The following UNC5D variants were observed in gnomAD, a reference collection of about 807,000 sequenced individuals.
UNC5D encodes the protein unc-5 netrin receptor D, also known as netrin receptor UNC5D.
A neutral mutation model predicts 105.4 loss-of-function variants in UNC5D; 39 were observed. The observed-to-expected ratio is 0.37, with a 90% confidence interval of 0.29 to 0.48. The LOEUF (loss-of-function observed/expected upper bound fraction) is 0.48, where lower values mean the gene tolerates loss of function less well. Among genes scored for constraint, UNC5D ranks in the 20% least tolerant of loss-of-function variants. The pLI is 0.98. For missense variants in UNC5D, 991 were observed against 1,202.4 expected (o/e 0.82, Z 2.60); for synonymous variants, 452 against 450.4 (o/e 1.00, Z -0.04).
chr8:35,788,887 C>G (rs889514347), intron 16 of UNC5D, among the ~76,000 whole-genome samples: 1 of 151,628 alleles, frequency 6.6e-6, no homozygotes, highest in Non-Finnish European at 1.5e-5. Context: ...AAAAACTGAA[C>G]CATTTTTTCC....
intron 1 of UNC5D, chr8:35,254,528 T>A (rs1013698210): frequency 6.6e-6 from 1 of 152,164 alleles, no homozygotes; most frequent in African/African-American, 2.4e-5. Context: ...CCAAGACCAT[T>A]ACACTTACTG....
chr8:35,455,966 C>T (rs1271289712), intron 1 of UNC5D, among the ~76,000 whole-genome samples: 10 of 152,088 alleles, frequency 6.6e-5, no homozygotes, highest in Admixed American at 5.2e-4. Flanking sequence ...CACAGCCAAA[C>T]CATATCCCTT....
intron 16 of UNC5D, among the ~76,000 whole-genome samples, chr8:35,786,846 A>C (rs1242189594): frequency 2.6e-5 from 4 of 152,186 alleles, no homozygotes; most frequent in Non-Finnish European, 4.4e-5. Context: ...GGTGGCCTGC[A>C]GGCCACATTT....
At chr8:35,460,593 T>C (rs1012130333) in intron 1 of UNC5D, among the ~76,000 whole-genome samples, 19 of 152,208 alleles carry the variant, frequency 1.2e-4, no homozygotes, top group African/African-American at 4.1e-4. Flanking sequence ...TTTTTATTCA[T>C]TGATTTTTGA....
intron 9 of UNC5D, chr8:35,724,328 CTGCCTCATGCTGATATCA>C: frequency 6.5e-7 from 1 of 1,530,190 alleles, no homozygotes; most frequent in South Asian, 1.2e-5. Context: ...TTATGGTAAT[CTGCCTCATGCTGATATCA>C]TGTGGTTTTC....
At chr8:35,306,003 A>G (rs1808388023) in intron 1 of UNC5D, among the ~76,000 whole-genome samples, 1 of 151,680 alleles carries the variant, frequency 6.6e-6, no homozygotes. Context: ...AAATATGATT[A>G]GGATAATATG....
chr8:35,611,395 A>C (rs1256223982), intron 4 of UNC5D, among the ~76,000 whole-genome samples: 2 of 152,184 alleles, frequency 1.3e-5, no homozygotes, highest in Admixed American at 6.5e-5. Flanking sequence ...ATTATTAATG[A>C]AGGCTGGTGA....
At chr8:35,292,388 C>T (rs1050246828) in intron 1 of UNC5D, among the ~76,000 whole-genome samples, 2 of 152,198 alleles carry the variant, frequency 1.3e-5, no homozygotes, top group Non-Finnish European at 2.9e-5. Context: ...AGGATTAGAG[C>T]ATGCTGCATA....
At chr8:35,744,855 C>T (rs1829926185) in intron 11 of UNC5D, among the ~76,000 whole-genome samples, 1 of 152,104 alleles carries the variant, frequency 6.6e-6, no homozygotes, top group Non-Finnish European at 1.5e-5. Context: ...GAGTTCGAGA[C>T]CAGCCTGACC....
chr8:35,473,041 G>A (rs1377163456), intron 1 of UNC5D, among the ~76,000 whole-genome samples: 1 of 152,182 alleles, frequency 6.6e-6, no homozygotes, highest in African/African-American at 2.4e-5. Context: ...TAATATTCAA[G>A]TTGCCAATTG....
intron 1 of UNC5D, among the ~76,000 whole-genome samples, chr8:35,507,055 T>TC (rs1812353427): frequency 1.5e-5 from 2 of 129,484 alleles, no homozygotes; most frequent in African/African-American, 6.5e-5. Context: ...TTTTCTTTTT[T>TC]TTTTTTTTTT....
intron 11 of UNC5D, among the ~76,000 whole-genome samples, chr8:35,732,839 G>A (rs527961611): frequency 1.3e-5 from 2 of 152,096 alleles, no homozygotes; most frequent in South Asian, 2.1e-4. Context: ...ATTTTCCAAG[G>A]CACCTCATTT....
chr8:35,271,699 GTATACATA>G lies in UNC5D; in HGVS notation c.103+35817_103+35824del, dbSNP rs1400746763. Among the ~76,000 whole-genome samples, 7 of 23,318 alleles carry G rather than the reference GTATACATA, an allele frequency of 3.0e-4. 1 individual carries two copies. The highest frequency in any genetic ancestry group is 3.8e-3 in the East Asian group (2 of 524). The allele number at this position is 23,318 out of a possible 152,430, so 15.3% of individuals were successfully genotyped here. A position where few individuals can be genotyped will look rare whatever the true frequency, so the allele number is the denominator to read the frequency against. ...CATATATATGTATACATGTATACAT[GTATACATA>G]TATATTTATACATGTATACATGTAT... On this transcript the variant is annotated intron_variant, in intron 1 of 16. Transcript: ENST00000404895.
chr8:35,554,794 T>C (rs1330117333), intron 2 of UNC5D, among the ~76,000 whole-genome samples: 1 of 152,200 alleles, frequency 6.6e-6, no homozygotes, highest in Non-Finnish European at 1.5e-5. Flanking sequence ...TGAAATAATG[T>C]GTATTCCAAT....
At position 35,792,586 on chromosome 8, in the gene UNC5D, A is replaced by C. The variant is rs1803091669; in HGVS notation, c.*2023A>C. The C allele has an allele frequency of 6.4e-6, 1 of 156,388 alleles. No individual in the cohort carries two copies. The highest frequency in any genetic ancestry group is 1.4e-5 in the Non-Finnish European group (1 of 71,138). 9.7% of individuals were successfully genotyped at this position (156,388 alleles called of 1,614,324 possible). On this transcript the variant is annotated 3_prime_UTR_variant, in exon 17 of 17. Coordinates refer to ENST00000404895, the MANE Select transcript of UNC5D (RefSeq NM_080872.4). ...GTAAATCATCTGGCATCACTGATAG[A>C]ATTTCTGAAAGAGAAAGAGAAGTAG...
intron 1 of UNC5D, among the ~76,000 whole-genome samples, chr8:35,518,642 A>C (rs1034570353): frequency 2.6e-5 from 4 of 152,262 alleles, no homozygotes; most frequent in Admixed American, 6.5e-5. Flanking sequence ...ATATTTATGC[A>C]TGTTTTCTTT....
At chr8:35,487,593 A>ACACACACACACCC (rs1415748793) in intron 1 of UNC5D, among the ~76,000 whole-genome samples, 34 of 150,470 alleles carry the variant, frequency 2.3e-4, no homozygotes, top group African/African-American at 8.1e-4. Flanking sequence ...ACACACACAC[A>ACACACACACACCC]CCCCACAGAC....
chr8:35,616,242 A>G (rs1235731572), intron 4 of UNC5D, among the ~76,000 whole-genome samples: 1 of 152,220 alleles, frequency 6.6e-6, no homozygotes, highest in African/African-American at 2.4e-5. Flanking sequence ...GCCTGACTTC[A>G]GAGCCTGTTC....
intron 1 of UNC5D, among the ~76,000 whole-genome samples, chr8:35,438,602 AT>A (rs76893119): frequency 0.012 from 1,781 of 147,620 alleles, 11 homozygotes; most frequent in Middle Eastern, 0.026. Context: ...GTGTGTACAC[AT>A]TTTTTTTTTT....
Sources: allele counts gnomAD v4.1 joint callset (sites outside exome capture counted in the v4.1 genomes callset), GRCh38; gene constraint gnomAD v4.1.1; transcripts MANE v1.5; gene names NCBI Gene and HGNC (gene_info 2026-07-23, HGNC 2026-07-21).